GALNT17: variants seen among roughly 807,000 people sequenced by gnomAD.
GALNT17 encodes UDP-GalNAc:polypeptide N-acetylgalactosaminyltransferase-like 3.
Under a neutral mutation model 63.7 loss-of-function variants are expected in GALNT17, and 29 were observed. The observed-to-expected ratio is 0.46, with a 90% CI of 0.34 to 0.62. The LOEUF (loss-of-function observed/expected upper bound fraction) is 0.62. GALNT17 is among the 20% of genes least tolerant of loss of function. The probability of loss-of-function intolerance (pLI) is 0.01; values close to 1 mark genes in which losing one functional copy is unlikely to be tolerated. For missense variants in GALNT17, 603 were observed against 799.6 expected, an observed-to-expected ratio of 0.75 and a Z score of 2.97; for synonymous variants, 305 against 318.3, an observed-to-expected ratio of 0.96 and a Z score of 0.45.
At chr7:71,198,641 G>A (rs769669042) in intron 1 of GALNT17, among the ~76,000 whole-genome samples, 12 of 152,244 alleles carry the variant, frequency 7.9e-5, no homozygotes, top group Non-Finnish European at 1.5e-4. Context: ...CCTAATTAAC[G>A]ACGCTATAGC....
chr7:71,640,137 A>G (rs148446017), intron 6 of GALNT17, among the ~76,000 whole-genome samples: 1 of 152,328 alleles, frequency 6.6e-6, no homozygotes, highest in East Asian at 1.9e-4. Flanking sequence ...CCACTCCAGT[A>G]TTGATGGTAA....
intron 6 of GALNT17, among the ~76,000 whole-genome samples, chr7:71,643,133 G>A (rs1006240654): frequency 9.2e-5 from 14 of 151,954 alleles, no homozygotes; most frequent in Non-Finnish European, 4.4e-5. Flanking sequence ...CAAGCCAATG[G>A]TTCTTTAAGG....
intron 6 of GALNT17, among the ~76,000 whole-genome samples, chr7:71,615,522 A>G (rs1217215539): frequency 1.1e-4 from 14 of 127,364 alleles, no homozygotes; most frequent in Middle Eastern, 0.011. Flanking sequence ...TGTCACCCAG[A>G]CTGGAATGTA....
In GALNT17 at chr7:71,693,259, C is replaced by CAT. The variant is rs1313846970; in HGVS notation, c.1500+15954_1500+15955insTA. Among the ~76,000 whole-genome samples the CAT allele has an allele frequency of 6.3e-3, 415 of 65,358 alleles. 2 individuals carry two copies. Among genetic ancestry groups the CAT allele is most frequent in the African/African-American group, 0.015 (264 of 17,304 alleles). 42.9% of individuals were successfully genotyped at this position (65,358 alleles called of 152,430 possible). ...ATATACACATATATATACACACACACACATACACACACACACACACACACA... is the reference window on the plus strand; with the variant it reads ...ATATACACATATATATACACACACACATACATACACACACACACACACACACA... On this transcript the variant is annotated intron_variant, in intron 9 of 10. Transcript: ENST00000333538.
chr7:71,314,944 C>T (rs1468814575), intron 1 of GALNT17, among the ~76,000 whole-genome samples: 1 of 152,104 alleles, frequency 6.6e-6, no homozygotes, highest in African/African-American at 2.4e-5. Flanking sequence ...CAAAATTCAC[C>T]TTAAAAAAGT....
intron 6 of GALNT17, among the ~76,000 whole-genome samples, chr7:71,592,563 C>CATACTAAAATAAAATAAAA (rs373112898): frequency 6.0e-4 from 42 of 69,944 alleles, no homozygotes; most frequent in African/African-American, 1.8e-3. Context: ...GCATAGCATA[C>CATACTAAAATAAAATAAAA]TAAAATAAAA....
At chr7:71,452,540 C>T (rs564237826) in intron 5 of GALNT17, among the ~76,000 whole-genome samples, 221 of 151,966 alleles carry the variant, frequency 1.5e-3, no homozygotes, top group African/African-American at 4.9e-3. Context: ...AGAGAGACTC[C>T]GTCTCAAAAA....
intron 1 of GALNT17, among the ~76,000 whole-genome samples, chr7:71,334,975 C>G (rs974575816): frequency 6.6e-6 from 1 of 152,142 alleles, no homozygotes; most frequent in Non-Finnish European, 1.5e-5. Flanking sequence ...GTAGTTCCTC[C>G]TAGCAAAAGG....
At chr7:71,500,216 G>C (rs1053680577) in intron 5 of GALNT17, among the ~76,000 whole-genome samples, 2 of 152,082 alleles carry the variant, frequency 1.3e-5, no homozygotes, top group African/African-American at 4.8e-5. Flanking sequence ...GCCTTGCCCT[G>C]TCTCCCTTAT....
intron 2 of GALNT17, among the ~76,000 whole-genome samples, chr7:71,351,751 A>G (rs10267524): frequency 0.3 from 45,617 of 151,944 alleles, 7,021 homozygotes; most frequent in East Asian, 0.48. Flanking sequence ...ACCATGAGAG[A>G]ATAAATTTCT....
intron 5 of GALNT17, among the ~76,000 whole-genome samples, chr7:71,537,700 C>T (rs931363662): frequency 6.6e-6 from 1 of 152,090 alleles, no homozygotes; most frequent in Admixed American, 6.6e-5. Context: ...GTAGTCCCAG[C>T]TGCTCAGGAG....
intron 5 of GALNT17, among the ~76,000 whole-genome samples, chr7:71,509,794 G>A (rs6965968): frequency 0.015 from 2,315 of 152,248 alleles, 66 homozygotes; most frequent in African/African-American, 0.052. Context: ...GGGCAGCTGG[G>A]GTTCAACCTG....
intron 6 of GALNT17, among the ~76,000 whole-genome samples, chr7:71,586,642 T>C (rs572875728): frequency 2.0e-5 from 3 of 152,138 alleles, no homozygotes; most frequent in Admixed American, 1.3e-4. Flanking sequence ...TTGCAGTATT[T>C]GGTATTGTCA....
chr7:71,280,023 G>A (rs1053819101), intron 1 of GALNT17, among the ~76,000 whole-genome samples: 16 of 151,908 alleles, frequency 1.1e-4, no homozygotes, highest in African/African-American at 3.6e-4. Flanking sequence ...TATATCTTGG[G>A]GCATCTTTTA....
chr7:71,204,570 CTT>C (rs200937071), intron 1 of GALNT17, among the ~76,000 whole-genome samples: 5 of 140,738 alleles, frequency 3.6e-5, no homozygotes, highest in Non-Finnish European at 1.5e-5. Flanking sequence ...TTTTCTTTTT[CTT>C]TTTTTTTTTT....
chr7:71,611,076 TC>T (rs1418174047), intron 6 of GALNT17, among the ~76,000 whole-genome samples: 1 of 151,672 alleles, frequency 6.6e-6, no homozygotes, highest in Non-Finnish European at 1.5e-5. Flanking sequence ...ATGCTTCACA[TC>T]CCATTCATCC....
intron 1 of GALNT17, among the ~76,000 whole-genome samples, chr7:71,133,641 A>G (rs955210773): frequency 2.0e-5 from 3 of 152,150 alleles, no homozygotes; most frequent in Non-Finnish European, 4.4e-5. Flanking sequence ...GCGATTGTTA[A>G]AGCTCAGGGT....
Position 71,711,955 on chromosome 7 carries a change from A to T in GALNT17, c.1669-63A>T, listed in dbSNP as rs538132939. The T allele has an allele frequency of 2.2e-4, 334 of 1,548,368 alleles. 4 individuals are homozygous for T. In the East Asian group the frequency reaches 7.6e-3, roughly 35 times the overall value. The stretch of plus-strand genomic sequence containing the variant: ...CTGTCTCTCTTTCTCCTCTCTCTAT[A>T]TCTCTCGCTGTCTCTCTCTCCTCTC... On this transcript the variant is annotated intron_variant, in intron 10 of 10. Coordinates refer to ENST00000333538, the MANE Select transcript of GALNT17 (RefSeq NM_022479.3).
In GALNT17 at chr7:71,416,779, T is replaced by A. The variant is rs554212426; in HGVS notation, c.764+716T>A. ...CATTGTGAGAAAAGAGATATAGTTA[T>A]AATTCTAACTACTCAGGTAAAGCTC... On this transcript the variant is annotated intron_variant, in intron 4 of 10. Transcript: ENST00000333538. Among the ~76,000 whole-genome samples, 51 of 152,300 alleles carry A rather than the reference T, an allele frequency of 3.3e-4. 1 individual carries two copies. Among genetic ancestry groups the A allele is most frequent in the African/African-American group, 1.2e-3 (51 of 41,566 alleles).
Sources: gnomAD v4.1 joint callset for allele counts (sites outside exome capture counted in the v4.1 genomes callset) on GRCh38, gnomAD v4.1.1 for gene constraint, MANE v1.5 for transcripts, NCBI Gene and HGNC (gene_info 2026-07-23, HGNC 2026-07-21) for gene names.